CLIP1: variants seen among roughly 807,000 people sequenced by gnomAD.
CLIP1 encodes the protein CAP-Gly domain containing linker protein 1.
A neutral mutation model predicts 161.6 loss-of-function variants in CLIP1; 66 were observed. That is an observed-to-expected ratio of 0.41 (90% CI 0.33 to 0.50). CLIP1 has a LOEUF of 0.50. Ranked by LOEUF, CLIP1 falls within the 20% of genes least tolerant of loss-of-function variation. CLIP1 has a pLI of 0.27. For missense variants in CLIP1, 1,376 were observed against 1,702.0 expected (o/e 0.81, Z 3.37); for synonymous variants, 598 against 626.2 (o/e 0.96, Z 0.67).
At chr12:122,347,341 T>A in intron 10 of CLIP1, 34 bp downstream of exon 10, 1 of 1,466,036 alleles carries the variant, frequency 6.8e-7, no homozygotes, top group Non-Finnish European at 9.6e-7. Context: ...TTCACATGCA[T>A]GGGTCTGCTT....
chr12:122,407,623 A>C (rs1288289218), intron 1 of CLIP1, among the ~76,000 whole-genome samples: 1 of 151,082 alleles, frequency 6.6e-6, no homozygotes, highest in Non-Finnish European at 1.5e-5. Context: ...ACCTGAGCCC[A>C]GGAGATTGAA....
chr12:122,277,876 G>T (rs1592957126), intron 24 of CLIP1: 1 of 409,848 alleles, frequency 2.4e-6, no homozygotes, highest in Non-Finnish European at 4.4e-6. Context: ...GTGCTGGCTT[G>T]TATACACACT....
intron 1 of CLIP1, among the ~76,000 whole-genome samples, chr12:122,408,208 G>A (rs868581485): frequency 1.8e-4 from 25 of 137,366 alleles, no homozygotes; most frequent in African/African-American, 6.0e-4. Context: ...TGGCCTAGAC[G>A]ATAAGAATGA....
chr12:122,289,724 G>C (rs1331521329), intron 20 of CLIP1, among the ~76,000 whole-genome samples: 1 of 151,392 alleles, frequency 6.6e-6, no homozygotes, highest in Non-Finnish European at 1.5e-5. Flanking sequence ...AGTTAATCTT[G>C]TGAAGGAGGA....
rs752254274 is a variant in CLIP1, at chr12:122,340,956, C to T, written c.2248G>A (p.Ala750Thr). 5.0e-6 allele frequency: 8 copies of T among 1,614,196 alleles called. No individual in the cohort carries two copies. Among genetic ancestry groups the T allele is most frequent in the Admixed American group, 1.7e-5 (1 of 60,030 alleles). The change falls in exon 11 of 26, where the codon GCC becomes ACC. Residue 750 changes from alanine (A) to threonine (T), a missense_variant. This residue lies in a region of CLIP1 where 948 missense variants were observed against 1,134.8 expected (regional missense o/e 0.84). Transcript: ENST00000620786. ...ACCTTGGTTTGTTCATTGCATTTGG[C>T]TTGCAGTACCTCTAGCTCCTTTACC... ...IKVKELEVLQ[A>T]KCNEQTKVID...
Position 122,416,570 on chromosome 12 carries a change from G to A in CLIP1, c.-107+5951C>T, listed in dbSNP as rs142679325. 3.1e-3 allele frequency among the ~76,000 whole-genome samples: 476 copies of A among 152,172 alleles called. 1 individual carries two copies. The highest frequency in any genetic ancestry group is 5.4e-3 in the Non-Finnish European group (369 of 68,014). ...GCTCAGGAATTTGAGTCTAGCTTGGGCGATATAACAAGACCCCTTCTCAAA... is the reference window on the plus strand; with the variant it reads ...GCTCAGGAATTTGAGTCTAGCTTGGACGATATAACAAGACCCCTTCTCAAA... On this transcript the variant is annotated intron_variant, in intron 1 of 25. Transcript: ENST00000620786.
intron 21 of CLIP1, chr12:122,280,830 G>A (rs2136234111): frequency 6.6e-6 from 1 of 152,374 alleles, no homozygotes; most frequent in Middle Eastern, 3.4e-3. Context: ...CTAGGCCACA[G>A]GCCATATGAC....
chr12:122,274,363 T>A, intron 24 of CLIP1: 1 of 498,614 alleles, frequency 2.0e-6, no homozygotes, highest in Non-Finnish European at 3.6e-6. Flanking sequence ...TGAACTTAAA[T>A]GAGGCCATGT....
At position 122,341,039 on chromosome 12, in the gene CLIP1, T is replaced by C. The variant is rs1952473324; in HGVS notation, c.2165A>G (p.Asp722Gly). ...GTCTTCCATTTCTACGAGATGCTGG[T>C]CTTCTGCTTTGTCCAGTTTCGACCT... ...AIRSKLDKAEDQHLVEMEDTL... is the reference protein window; with the variant it reads ...AIRSKLDKAEGQHLVEMEDTL... The change falls in exon 11 of 26, where the codon GAC becomes GGC. Residue 722 changes from aspartate to glycine, a missense_variant. Around this residue, in one of 6 missense-constraint regions of CLIP1, gnomAD observed 948 missense variants for 1,134.8 expected, o/e 0.84. Coordinates refer to ENST00000620786, the MANE Select transcript of CLIP1 (RefSeq NM_001247997.2). 6.2e-7 allele frequency: 1 copy of C among 1,614,156 alleles called. No homozygotes were observed. The highest frequency in any genetic ancestry group is 8.5e-7 in the Non-Finnish European group (1 of 1,180,040).
intron 1 of CLIP1, among the ~76,000 whole-genome samples, chr12:122,420,766 T>C (rs1956910686): frequency 6.6e-6 from 1 of 151,888 alleles, no homozygotes; most frequent in East Asian, 2.0e-4. Flanking sequence ...TGAAACCCCA[T>C]CTCTACCACA....
chr12:122,312,195 T>A (rs902758421), intron 19 of CLIP1, among the ~76,000 whole-genome samples: 1 of 152,238 alleles, frequency 6.6e-6, no homozygotes, highest in Non-Finnish European at 1.5e-5. Context: ...CATAAATCTA[T>A]TATCATGCTA....
rs1955290275 is a variant in CLIP1 at position 122,274,061 on chromosome 12, C to G, written c.4068G>C (p.Gly1356=). 1 of 1,613,686 alleles carries G rather than the reference C, an allele frequency of 6.2e-7. No individual in the cohort carries two copies. Among genetic ancestry groups the G allele is most frequent in the South Asian group, 1.1e-5 (1 of 91,084 alleles). ...ACCTGTCATAATTGTTTAGGTCATCCCCGTTCCCATTCAGGGCTGCTTCTG... is the reference window on the plus strand; with the variant it reads ...ACCTGTCATAATTGTTTAGGTCATCGCCGTTCCCATTCAGGGCTGCTTCTG... The part of the protein sequence containing the change: ...MMSEAALNGN[G]DDLNNYDSDD... Residue 1356 remains glycine, a synonymous_variant, in exon 25 of 26, where the codon GGG becomes GGC. Transcript: ENST00000620786.
intron 14 of CLIP1, among the ~76,000 whole-genome samples, chr12:122,333,521 T>C (rs189698633): frequency 1.1e-4 from 17 of 152,122 alleles, no homozygotes; most frequent in African/African-American, 4.1e-4. Flanking sequence ...CTGAAGTGGT[T>C]GGAGTGGAAT....
Position 122,346,178 on chromosome 12 carries a change from A to T in CLIP1, c.1506+1197T>A, listed in dbSNP as rs558945079. On this transcript the variant is annotated intron_variant, in intron 10 of 25. Coordinates refer to ENST00000620786, the MANE Select transcript of CLIP1 (RefSeq NM_001247997.2). Reference sequence around the variant, plus strand: ...CACAGACTCTGGGGCCAAATGTCCTAGATGCAAATCCTGCCTCCATTATTA... The same window carrying T: ...CACAGACTCTGGGGCCAAATGTCCTTGATGCAAATCCTGCCTCCATTATTA... Among the ~76,000 whole-genome samples, 4 of 152,312 alleles carry T rather than the reference A, an allele frequency of 2.6e-5. No homozygotes were observed. The East Asian group carries it at 7.7e-4, about 29-fold the overall frequency.
At chr12:122,306,319 G>A (rs140373138) in intron 20 of CLIP1, among the ~76,000 whole-genome samples, 81 of 152,096 alleles carry the variant, frequency 5.3e-4, no homozygotes, top group African/African-American at 1.5e-3. Context: ...AGAGAACCCC[G>A]ACTAATTCAG....
intron 24 of CLIP1, chr12:122,276,603 C>T: frequency 4.6e-6 from 3 of 652,290 alleles, no homozygotes; most frequent in East Asian, 7.8e-5. Flanking sequence ...GTTTTGTGCC[C>T]CTCAAAGGAG....
At chr12:122,339,626 A>G (rs1952402347) in intron 11 of CLIP1, among the ~76,000 whole-genome samples, 1 of 152,054 alleles carries the variant, frequency 6.6e-6, no homozygotes, top group Non-Finnish European at 1.5e-5. Flanking sequence ...CCCGGCCAAC[A>G]TGTTAATTTA....
intron 17 of CLIP1, chr12:122,324,095 T>C (rs1402293448): frequency 1.3e-5 from 2 of 152,692 alleles, no homozygotes; most frequent in South Asian, 2.1e-4. Context: ...AGCTTCTTTA[T>C]TGAGATGTTC....
At chr12:122,344,441 GA>G (rs11385320) in intron 10 of CLIP1, among the ~76,000 whole-genome samples, 1 of 150,132 alleles carries the variant, frequency 6.7e-6, no homozygotes, top group Non-Finnish European at 1.5e-5. Context: ...CTAAATAAAA[GA>G]AAAAAAAACA....
Sources: gnomAD v4.1 joint callset for allele counts (sites outside exome capture counted in the v4.1 genomes callset) on GRCh38, gnomAD v4.1.1 for gene constraint, gnomAD v4.1.1 regional missense constraint, MANE v1.5 for transcripts, NCBI Gene and HGNC (gene_info 2026-07-23, HGNC 2026-07-21) for gene names.